PDS5B: variants seen among roughly 807,000 people sequenced by gnomAD.
PDS5B encodes the protein PDS5 cohesin associated factor B.
PDS5B carries 51 observed loss-of-function variants against 184.1 expected under a neutral mutation model. The ratio of observed to expected loss-of-function variants is 0.28; its 90% CI spans 0.22 to 0.35. The LOEUF is 0.35. Among genes scored for constraint, PDS5B ranks in the 10% least tolerant of loss-of-function variants. The probability of loss-of-function intolerance (pLI) is 1.00; values close to 1 mark genes in which losing one functional copy is unlikely to be tolerated. For synonymous variants in PDS5B, 566 were observed against 569.2 expected (o/e 0.99, Z 0.08); for missense variants, 1,180 against 1,723.3 (o/e 0.68, Z 5.58).
chr13:32,600,918 A>ATCAGC (rs1192535212), intron 1 of PDS5B, among the ~76,000 whole-genome samples: 1 of 152,128 alleles, frequency 6.6e-6, no homozygotes, highest in Non-Finnish European at 1.5e-5. Context: ...AAGTTCGGGG[A>ATCAGC]TCAGCAAATA....
chr13:32,614,076 G>T (rs2058183421), intron 1 of PDS5B, among the ~76,000 whole-genome samples: 1 of 152,102 alleles, frequency 6.6e-6, no homozygotes, highest in Non-Finnish European at 1.5e-5. Context: ...TGTCTGTTCT[G>T]TTCCATTGGT....
At chr13:32,706,844 A>ATG in intron 17 of PDS5B, 90 bp from the exon 18 acceptor site, 1 of 663,536 alleles carries the variant, frequency 1.5e-6, no homozygotes, top group Non-Finnish European at 2.6e-6. Context: ...ATATGTATAT[A>ATG]TGTATGTGCA....
chr13:32,661,725 C>T (rs1331776431), intron 6 of PDS5B, among the ~76,000 whole-genome samples: 1 of 152,008 alleles, frequency 6.6e-6, no homozygotes, highest in African/African-American at 2.4e-5. Flanking sequence ...TGTCCAGGCC[C>T]ATCCTGAAAT....
At chr13:32,708,793 T>A (rs558638795) in intron 18 of PDS5B, among the ~76,000 whole-genome samples, 2 of 152,252 alleles carry the variant, frequency 1.3e-5, no homozygotes, top group East Asian at 1.9e-4. Flanking sequence ...TGTTTTTTTT[T>A]AAACTGATTT....
chr13:32,716,430 G>A (rs1269761019), intron 19 of PDS5B, among the ~76,000 whole-genome samples: 21 of 149,394 alleles, frequency 1.4e-4, no homozygotes, highest in African/African-American at 4.2e-4. Context: ...CCTGGCAACC[G>A]CCCCATCTGA....
At chr13:32,687,046 G>T (rs1297795308) in intron 11 of PDS5B, 88 bp from the exon 12 acceptor site, 1 of 1,010,930 alleles carries the variant, frequency 9.9e-7, no homozygotes, top group African/African-American at 1.7e-5. Flanking sequence ...ATAAAGGGAA[G>T]GAAAACACAA....
Position 32,751,604 on chromosome 13 carries a change from T to G in PDS5B, c.2737-1728T>G, listed in dbSNP as rs184491824. ...GTTTTGATTTGCATTTCACTAATGA[T>G]TAACGATGTTGAACATTTTTTCATA... On this transcript the variant is annotated intron_variant, in intron 24 of 34. Transcript: ENST00000315596. Among the ~76,000 whole-genome samples the G allele has an allele frequency of 4.6e-5, 7 of 152,346 alleles. 1 individual carries two copies. The East Asian group carries it at 1.3e-3, about 29-fold the overall frequency.
At chr13:32,649,091 G>T (rs1950300293) in intron 2 of PDS5B, 1 of 449,662 alleles carries the variant, frequency 2.2e-6, no homozygotes, top group Non-Finnish European at 4.0e-6. Flanking sequence ...GTGAAGCTTA[G>T]ATTTTCTAGG....
At chr13:32,681,996 G>A (rs1951261715) in intron 10 of PDS5B, among the ~76,000 whole-genome samples, 1 of 152,102 alleles carries the variant, frequency 6.6e-6, no homozygotes, top group South Asian at 2.1e-4. Flanking sequence ...TAAATGTTTG[G>A]ATATGACATA....
chr13:32,673,306 G>A lies in PDS5B; in HGVS notation c.796G>A (p.Asp266Asn). 6.2e-7 allele frequency: 1 copy of A among 1,612,860 alleles called. No individual in the cohort carries two copies. The highest frequency in any genetic ancestry group is 8.5e-7 in the Non-Finnish European group (1 of 1,179,214). Residue 266 changes from aspartate (D) to asparagine (N), a missense_variant, in exon 8 of 35, where the codon GAT becomes AAT. By Grantham distance (23) the Asp-to-Asn change is conservative (BLOSUM62 1). Coordinates refer to ENST00000315596, the MANE Select transcript of PDS5B (RefSeq NM_015032.4). ...FDLILELYNIDSHLLLSVLPQ... is the reference protein window; with the variant it reads ...FDLILELYNINSHLLLSVLPQ... ...CTTAATTTTGGAGCTCTACAATATT[G>A]ATAGTCATTTGCTGCTCTCTGTTTT...
In PDS5B at chr13:32,776,684, T is replaced by C. The variant is rs1352962153; in HGVS notation, c.*1632T>C. The C allele has an allele frequency of 6.6e-6, 1 of 152,498 alleles. No individual in the cohort carries two copies. The highest frequency in any genetic ancestry group is 1.5e-5 in the Non-Finnish European group (1 of 67,926). 9.4% of individuals were successfully genotyped at this position (152,498 alleles called of 1,614,324 possible). A position where few individuals can be genotyped will look rare whatever the true frequency, so the allele number is the denominator to read the frequency against. On this transcript the variant is annotated 3_prime_UTR_variant, in exon 35 of 35. Coordinates refer to ENST00000315596, the MANE Select transcript of PDS5B (RefSeq NM_015032.4). ...ATGATACACCATTATGTTTAAGATA[T>C]ATTTCCAAGATTGGTTATAATAGAT...
At chr13:32,680,255 T>C (rs568631197) in intron 10 of PDS5B, among the ~76,000 whole-genome samples, 12 of 152,202 alleles carry the variant, frequency 7.9e-5, no homozygotes, top group Non-Finnish European at 1.8e-4. Flanking sequence ...AATCTGTGGC[T>C]GTCTGCTCAT....
At chr13:32,742,458 C>T (rs1209804433) in intron 22 of PDS5B, 133 bp from the exon 23 acceptor site, 2 of 659,726 alleles carry the variant, frequency 3.0e-6, no homozygotes, top group Admixed American at 3.1e-5. Flanking sequence ...AGATTATCTT[C>T]ATATATACAG....
chr13:32,707,083 T>A, intron 18 of PDS5B, 44 bp downstream of exon 18: 1 of 1,005,904 alleles, frequency 9.9e-7, no homozygotes, highest in African/African-American at 1.6e-5. Context: ...GATATCTGTT[T>A]AACATATACA....
At chr13:32,726,769 GC>G (rs1952914649) in intron 19 of PDS5B, among the ~76,000 whole-genome samples, 1 of 151,944 alleles carries the variant, frequency 6.6e-6, no homozygotes, top group South Asian at 2.1e-4. Flanking sequence ...GAGTTTCTTG[GC>G]TGGCCATGGT....
At chr13:32,708,553 G>C (rs903748917) in intron 18 of PDS5B, among the ~76,000 whole-genome samples, 1 of 151,960 alleles carries the variant, frequency 6.6e-6, no homozygotes, top group African/African-American at 2.4e-5. Flanking sequence ...TGCTGTACAG[G>C]GAAATTTTAC....
intron 1 of PDS5B, among the ~76,000 whole-genome samples, chr13:32,614,347 G>T (rs901207718): frequency 2.7e-5 from 4 of 150,774 alleles, no homozygotes; most frequent in African/African-American, 9.8e-5. Flanking sequence ...ACCCAGGCTG[G>T]AGTGCAGTGG....
chr13:32,675,164 C>T (rs1951032980), intron 8 of PDS5B, among the ~76,000 whole-genome samples: 1 of 152,036 alleles, frequency 6.6e-6, no homozygotes, highest in African/African-American at 2.4e-5. Context: ...TTGATATACC[C>T]AATTCCCACA....
intron 20 of PDS5B, among the ~76,000 whole-genome samples, chr13:32,732,959 A>G (rs1431521373): frequency 6.6e-6 from 1 of 152,156 alleles, no homozygotes; most frequent in Non-Finnish European, 1.5e-5. Flanking sequence ...TACTTTTGTC[A>G]TATTTTCATG....
Sources: gnomAD v4.1 joint callset for allele counts (sites outside exome capture counted in the v4.1 genomes callset) on GRCh38, gnomAD v4.1.1 for gene constraint, MANE v1.5 for transcripts, NCBI Gene and HGNC (gene_info 2026-07-23, HGNC 2026-07-21) for gene names.